The following KIR3DL1 variants were observed in gnomAD, a reference collection of about 807,000 sequenced individuals.
KIR3DL1 encodes the protein killer cell immunoglobulin like receptor, three Ig domains and long cytoplasmic tail 1.
KIR3DL1 carries 50 observed loss-of-function variants against 40.3 expected under a neutral mutation model. The observed-to-expected ratio is 1.24, with a 90% CI of 0.99 to 1.57. The LOEUF (loss-of-function observed/expected upper bound fraction) is 1.57. Ranked by LOEUF, KIR3DL1 falls within the 40% of genes most tolerant of loss-of-function variation. The pLI, the probability that KIR3DL1 is intolerant of heterozygous loss-of-function variation, is 0.00. For synonymous variants in KIR3DL1, 257 were observed against 207.2 expected, an observed-to-expected ratio of 1.24 and a Z score of -2.07; for missense variants, 661 against 559.9, an observed-to-expected ratio of 1.18 and a Z score of -1.82.
At chr19:54,817,598 C>T in intron 2 of KIR3DL1, 29 bp downstream of exon 2, 1 of 1,480,206 alleles carries the variant, frequency 6.8e-7, no homozygotes, top group Non-Finnish European at 9.2e-7. Flanking sequence ...CTTAGGGTGT[C>T]ATCTCCCCAC....
chr19:54,830,428 C>T, exon 9 of KIR3DL1: 2 of 947,668 alleles, frequency 2.1e-6, no homozygotes, highest in Non-Finnish European at 3.2e-6. Context: ...AATCTGGTGC[C>T]TCTCTCTTGC....
chr19:54,821,869 C>T lies in KIR3DL1; in HGVS notation c.949+11C>T. 1.3e-6 allele frequency: 2 copies of T among 1,597,050 alleles called. No individual in the cohort carries two copies. The highest frequency in any genetic ancestry group is 3.4e-5 in the Admixed American group (2 of 59,482). On this transcript the variant is annotated intron_variant, in intron 5 of 8. Transcript: ENST00000391728. ...TTGTTTCTGTCACAGGTGAGAAAAG[C>T]CCATATCTCTCTCATGTCCTATGAT...
chr19:54,823,638 C>G (rs1042205739), intron 5 of KIR3DL1, among the ~76,000 whole-genome samples: 1 of 151,382 alleles, frequency 6.6e-6, no homozygotes, highest in Non-Finnish European at 1.5e-5. Flanking sequence ...GCTGGGATTA[C>G]AGGCATGTGC....
At chr19:54,819,787 T>A in exon 4 of KIR3DL1, 1 of 1,611,450 alleles carries the variant, frequency 6.2e-7, no homozygotes, top group Non-Finnish European at 8.5e-7. Context: ...CATCCTGCAA[T>A]GTTGGTCAGA....
chr19:54,819,571 G>C, intron 3 of KIR3DL1, 142 bp from the exon 4 acceptor site: 1 of 1,002,332 alleles, frequency 1.0e-6, no homozygotes, highest in Non-Finnish European at 1.5e-6. Flanking sequence ...CTGCACCAGG[G>C]GATATGGGCA....
exon 4 of KIR3DL1, chr19:54,819,942 C>T (rs773929676): frequency 2.5e-6 from 4 of 1,612,020 alleles, no homozygotes; most frequent in East Asian, 2.2e-5. Context: ...CCTACAGATG[C>T]TACGGTTCTG....
chr19:54,819,921 C>T (rs771196132), exon 4 of KIR3DL1: 2 of 1,612,128 alleles, frequency 1.2e-6, no homozygotes, highest in South Asian at 2.2e-5. Flanking sequence ...TGATGCTTGC[C>T]CTTGCAGGGA....
exon 9 of KIR3DL1, chr19:54,830,725 T>A (rs1569476409): frequency 4.8e-6 from 1 of 209,090 alleles, no homozygotes; most frequent in East Asian, 1.3e-4. Flanking sequence ...CTTATAAAAT[T>A]TTTTGTGATT....
At chr19:54,821,484 G>T (rs948009048) in intron 4 of KIR3DL1, 81 bp from the exon 5 acceptor site, 2 of 1,467,582 alleles carry the variant, frequency 1.4e-6, no homozygotes, top group Non-Finnish European at 9.3e-7. Flanking sequence ...ATAGAGCAGG[G>T]GAGTGAGTTC....
At chr19:54,818,274 C>G in intron 2 of KIR3DL1, 41 bp from the exon 3 acceptor site, 1 of 1,570,802 alleles carries the variant, frequency 6.4e-7, no homozygotes, top group African/African-American at 1.5e-5. Context: ...AGGGGCGGCT[C>G]CACATCCTCC....
intron 5 of KIR3DL1, among the ~76,000 whole-genome samples, chr19:54,823,855 T>A (rs2061757230): frequency 6.6e-6 from 1 of 151,564 alleles, no homozygotes; most frequent in Admixed American, 6.6e-5. Context: ...TGATGATGAG[T>A]GATGCCGAGT....
chr19:54,817,538 G>C (rs1142881), exon 2 of KIR3DL1: 169,681 of 1,150,334 alleles, frequency 0.15, 44,936 homozygotes, highest in East Asian at 0.56. Flanking sequence ...TTCTAGGGTT[G>C]TTCTTGGTCC....
rs1483337823 is a variant in KIR3DL1 at position 54,830,094 on chromosome 19, T to C, written c.1159-5T>C. Reference sequence around the variant, plus strand: ...CTCCCTCACTCAGCATTTCCCTCTCTCCAGGACTCTGATGAACAAGACCCT... The same window carrying C: ...CTCCCTCACTCAGCATTTCCCTCTCCCCAGGACTCTGATGAACAAGACCCT... On this transcript the variant is annotated splice_region_variant and splice_polypyrimidine_tract_variant and intron_variant, in intron 8 of 8. Coordinates refer to ENST00000391728, the Ensembl canonical transcript of KIR3DL1. 1 of 1,522,916 alleles carries C rather than the reference T, an allele frequency of 6.6e-7. No individual in the cohort carries two copies. Among genetic ancestry groups the C allele is most frequent in the Middle Eastern group, 1.7e-4 (1 of 5,758 alleles). The allele number at this position is 1,522,916 out of a possible 1,614,324, so 94.3% of individuals were successfully genotyped here.
chr19:54,826,118 G>A (rs1237074806), intron 6 of KIR3DL1, among the ~76,000 whole-genome samples: 3 of 150,618 alleles, frequency 2.0e-5, no homozygotes, highest in Non-Finnish European at 4.4e-5. Context: ...AAGCTATGGA[G>A]GCCAGGACAG....
chr19:54,822,790 C>G (rs1458355574), intron 5 of KIR3DL1, among the ~76,000 whole-genome samples: 1 of 146,904 alleles, frequency 6.8e-6, no homozygotes, highest in Non-Finnish European at 1.5e-5. Context: ...CCAGTTCCAT[C>G]CATGTGGCTG....
At chr19:54,828,293 G>T (rs181972812) in intron 6 of KIR3DL1, among the ~76,000 whole-genome samples, 88 of 145,316 alleles carry the variant, frequency 6.1e-4, no homozygotes, top group South Asian at 1.6e-3. Flanking sequence ...CGTGGATGTA[G>T]AAATCCTAAA....
In KIR3DL1 at chr19:54,818,263, G is replaced by A; in HGVS notation, c.71-52G>A. The A allele has an allele frequency of 2.6e-6, 4 of 1,558,646 alleles. No homozygotes were observed. The South Asian group carries it at 4.6e-5, about 18-fold the overall frequency. ...GGAGAATCTTCTGGGCACTGGGAGT[G>A]AGGGGCGGCTCCACATCCTCCTCTC... On this transcript the variant is annotated intron_variant, in intron 2 of 8. Transcript: ENST00000391728.
chr19:54,824,160 T>C (rs781122165), intron 5 of KIR3DL1, among the ~76,000 whole-genome samples: 7 of 151,856 alleles, frequency 4.6e-5, no homozygotes, highest in Non-Finnish European at 1.0e-4. Context: ...TTAAACAAAA[T>C]GTCTTTCGTC....
At chr19:54,830,234 C>G in exon 9 of KIR3DL1, 1 of 1,524,692 alleles carries the variant, frequency 6.6e-7, no homozygotes, top group South Asian at 1.3e-5. Flanking sequence ...CACGGAACTT[C>G]CAAATGCTAA....
Sources: allele counts gnomAD v4.1 joint callset (sites outside exome capture counted in the v4.1 genomes callset), GRCh38; gene constraint gnomAD v4.1.1; transcripts MANE v1.5; gene names NCBI Gene and HGNC (gene_info 2026-07-23, HGNC 2026-07-21).